BLM: variants seen among roughly 807,000 people sequenced by gnomAD.
The protein encoded by BLM is BLM RecQ like helicase.
In BLM, 95 loss-of-function variants were observed where a neutral mutation model predicts 135.3. The ratio of observed to expected loss-of-function variants is 0.70; its 90% CI spans 0.59 to 0.83. The LOEUF (loss-of-function observed/expected upper bound fraction) is 0.83, where lower values mean the gene tolerates loss of function less well. Among genes scored for constraint, BLM ranks in the 40% least tolerant of loss-of-function variants. BLM has a pLI of 0.00. For synonymous variants in BLM, 520 were observed against 589.2 expected, an observed-to-expected ratio of 0.88 and a Z score of 1.70; for missense variants, 1,518 against 1,663.9, an observed-to-expected ratio of 0.91 and a Z score of 1.53.
chr15:90,812,935 T>A (rs1335720934), intron 21 of BLM, among the ~76,000 whole-genome samples: 1 of 152,208 alleles, frequency 6.6e-6, no homozygotes, highest in African/African-American at 2.4e-5. Flanking sequence ...CTTATTTCCA[T>A]CATTTATTCC....
chr15:90,804,085 GC>G, intron 18 of BLM, 81 bp from the exon 19 acceptor site: 1 of 1,308,622 alleles, frequency 7.6e-7, no homozygotes, highest in Non-Finnish European at 1.1e-6. Flanking sequence ...CCCCAAAAAT[GC>G]AATTAAGCAT....
chr15:90,794,406 T>C, intron 16 of BLM, 49 bp downstream of exon 16: 1 of 1,400,298 alleles, frequency 7.1e-7, no homozygotes, highest in Non-Finnish European at 9.6e-7. Flanking sequence ...TTTTTTCTCT[T>C]ACTTTAAAAA....
At chr15:90,784,252 A>T (rs916359426) in intron 13 of BLM, among the ~76,000 whole-genome samples, 5 of 150,774 alleles carry the variant, frequency 3.3e-5, no homozygotes, top group Non-Finnish European at 5.9e-5. Flanking sequence ...AAAGAAACTG[A>T]GTCAAAGGTA....
Position 90,809,025 on chromosome 15 carries a change from C to T in BLM, c.3752-112C>T, listed in dbSNP as rs867362080. On this transcript the variant is annotated intron_variant, in intron 19 of 21. Transcript: ENST00000355112. ...CAAAATTGGCCTGTGTTCCCAGTACCCTGCAGTTAGTTGGCACTTAGCAGA... is the reference window on the plus strand; with the variant it reads ...CAAAATTGGCCTGTGTTCCCAGTACTCTGCAGTTAGTTGGCACTTAGCAGA... 4.1e-6 allele frequency: 6 copies of T among 1,475,074 alleles called. No homozygotes were observed. In the Middle Eastern group the frequency reaches 6.2e-4, roughly 152 times the overall value. The allele number at this position is 1,475,074 out of a possible 1,614,324, so 91.4% of individuals were successfully genotyped here. A position where few individuals can be genotyped will look rare whatever the true frequency, so the allele number is the denominator to read the frequency against.
At chr15:90,777,651 GAATCTAACTTTT>G (rs1896515034) in intron 12 of BLM, among the ~76,000 whole-genome samples, 2 of 152,250 alleles carry the variant, frequency 1.3e-5, no homozygotes, top group East Asian at 3.9e-4. Context: ...AGAAACAGTA[GAATCTAACTTTT>G]AAGAAAACTT....
intron 1 of BLM, among the ~76,000 whole-genome samples, chr15:90,724,913 T>C (rs1894869299): frequency 6.6e-6 from 1 of 152,088 alleles, no homozygotes; most frequent in African/African-American, 2.4e-5. Context: ...AGAGGAAGTT[T>C]TGTTTTGTTT....
chr15:90,812,389 G>A (rs1233096292), intron 21 of BLM, among the ~76,000 whole-genome samples: 1 of 152,096 alleles, frequency 6.6e-6, no homozygotes, highest in African/African-American at 2.4e-5. Context: ...TGTCTGTTCT[G>A]GGCGCTTTCT....
At chr15:90,759,912 TTA>T in intron 5 of BLM, 12 of 372,428 alleles carry the variant, frequency 3.2e-5, no homozygotes, top group South Asian at 4.8e-5. Flanking sequence ...CAGCCCCACT[TTA>T]AAAAAAAAAA....
At chr15:90,739,759 T>C (rs930465214) in intron 1 of BLM, among the ~76,000 whole-genome samples, 1 of 152,230 alleles carries the variant, frequency 6.6e-6, no homozygotes, top group Non-Finnish European at 1.5e-5. Context: ...GTATTGTTTT[T>C]AAATTATTAT....
chr15:90,773,050 T>C (rs1210497840), intron 12 of BLM, among the ~76,000 whole-genome samples: 2 of 141,558 alleles, frequency 1.4e-5, no homozygotes, highest in South Asian at 2.2e-4. Flanking sequence ...GGAGCCGAGA[T>C]TGCACCACTG....
At chr15:90,745,455 G>A (rs111952770) in intron 1 of BLM, among the ~76,000 whole-genome samples, 2 of 152,084 alleles carry the variant, frequency 1.3e-5, no homozygotes, top group Admixed American at 6.5e-5. Context: ...TGTTGCCCAG[G>A]CTGGAGTGCA....
chr15:90,730,835 G>T (rs752400303), intron 1 of BLM, among the ~76,000 whole-genome samples: 8 of 152,030 alleles, frequency 5.3e-5, no homozygotes, highest in Non-Finnish European at 7.4e-5. Flanking sequence ...AGACGATATG[G>T]TTGTTCAGCT....
rs77101584 is a variant in BLM, at chr15:90,744,286, G to A, written c.-4-3103G>A. ...GTCTGACTTCACTCTTTATCACTTC[G>A]TATTTATTCATGTGGGAAAGACTCC... On this transcript the variant is annotated intron_variant, in intron 1 of 21. Coordinates refer to ENST00000355112, the MANE Select transcript of BLM (RefSeq NM_000057.4). Among the ~76,000 whole-genome samples the A allele has an allele frequency of 5.9e-3, 901 of 152,250 alleles. 6 individuals carry two copies. The highest frequency in any genetic ancestry group is 0.017 in the South Asian group (80 of 4,826).
chr15:90,732,295 C>G (rs1443008868), intron 1 of BLM, among the ~76,000 whole-genome samples: 1 of 151,976 alleles, frequency 6.6e-6, no homozygotes. Context: ...AGAAAACCTA[C>G]AGAAAAGTTG....
rs367543012 is a variant in BLM, at chr15:90,769,437, G to GT, written c.2407dup (p.Trp803LeufsTer4). 1.2e-6 allele frequency: 2 copies of GT among 1,614,036 alleles called. No homozygotes were observed. On this transcript the variant is annotated frameshift_variant and splice_region_variant. Coordinates refer to ENST00000355112, the MANE Select transcript of BLM (RefSeq NM_000057.4). LOFTEE classifies it high-confidence loss of function. ...AAAGCAGTATTTTTTTTTCCAACTA[G>GT]TGGGGACATGATTTTCGTCAAGATT...
At chr15:90,798,141 G>T in intron 16 of BLM, 49 bp from the exon 17 acceptor site, 1 of 1,505,364 alleles carries the variant, frequency 6.6e-7, no homozygotes. Flanking sequence ...TAGTAATCTA[G>T]GCATTGTTAC....
At chr15:90,775,183 G>A (rs973240994) in intron 12 of BLM, among the ~76,000 whole-genome samples, 1 of 152,122 alleles carries the variant, frequency 6.6e-6, no homozygotes, top group Non-Finnish European at 1.5e-5. Flanking sequence ...AGAGAGGGCA[G>A]GAATGGTAAC....
chr15:90,752,783 G>A (rs1482870385), intron 4 of BLM, among the ~76,000 whole-genome samples: 1 of 152,164 alleles, frequency 6.6e-6, no homozygotes, highest in Non-Finnish European at 1.5e-5. Flanking sequence ...CTCACTCTCA[G>A]ACCAGTTGAG....
intron 12 of BLM, among the ~76,000 whole-genome samples, chr15:90,777,438 C>T (rs143212149): frequency 1.6e-3 from 238 of 152,314 alleles, no homozygotes; most frequent in African/African-American, 5.4e-3. Flanking sequence ...GAGGCGTGAG[C>T]CACTGCACCT....
Sources: allele counts gnomAD v4.1 joint callset (sites outside exome capture counted in the v4.1 genomes callset), GRCh38; gene constraint gnomAD v4.1.1; transcripts MANE v1.5; gene names NCBI Gene and HGNC (gene_info 2026-07-23, HGNC 2026-07-21).